Variants in CACNA1A observed in about 807,000 individuals in gnomAD.
CACNA1A encodes voltage-dependent P/Q-type calcium channel subunit alpha-1A.
Under a neutral mutation model 262.4 loss-of-function variants are expected in CACNA1A, and 57 were observed. The observed-to-expected ratio is 0.22, with a 90% confidence interval of 0.18 to 0.27. CACNA1A has a LOEUF of 0.27. Among genes scored for constraint, CACNA1A ranks in the 10% least tolerant of loss-of-function variants. The pLI, the probability that CACNA1A is intolerant of heterozygous loss-of-function variation, is 1.00. For missense variants in CACNA1A, 2,526 were observed against 3,562.8 expected, an observed-to-expected ratio of 0.71 and a Z score of 7.41; for synonymous variants, 1,431 against 1,419.3, an observed-to-expected ratio of 1.01 and a Z score of -0.18.
In CACNA1A at chr19:13,429,482, G is replaced by A. The variant is rs114615745; in HGVS notation, c.539+23394C>T. On this transcript the variant is annotated intron_variant, in intron 3 of 46. Transcript: ENST00000360228. ...TAAAAAACGCTGACACGAGAGATGT[G>A]TGCCCCCCTCACTGTGCCCCTCACT... Among the ~76,000 whole-genome samples the A allele has an allele frequency of 6.0e-3, 865 of 145,272 alleles. 9 individuals carry two copies. Among genetic ancestry groups the A allele is most frequent in the African/African-American group, 0.022 (835 of 38,764 alleles).
At chr19:13,255,333 T>A in intron 28 of CACNA1A, 74 bp from the exon 29 acceptor site, 1 of 1,394,408 alleles carries the variant, frequency 7.2e-7, no homozygotes, top group Non-Finnish European at 9.6e-7. Flanking sequence ...ACCCTCTGTC[T>A]AACTCGTCGC....
At chr19:13,498,371 C>T (rs2145161441) in intron 1 of CACNA1A, among the ~76,000 whole-genome samples, 1 of 152,146 alleles carries the variant, frequency 6.6e-6, no homozygotes, top group Admixed American at 6.5e-5. Flanking sequence ...TACACATAGG[C>T]CTAAAATGAG....
chr19:13,303,999 A>C (rs2057845430), intron 15 of CACNA1A, 115 bp from the exon 16 acceptor site: 2 of 726,188 alleles, frequency 2.8e-6, no homozygotes, highest in African/African-American at 3.5e-5. Context: ...GGAGGTCTTT[A>C]ACAATCCTGC....
intron 3 of CACNA1A, among the ~76,000 whole-genome samples, chr19:13,387,991 G>A (rs1396362978): frequency 6.6e-6 from 1 of 152,112 alleles, no homozygotes; most frequent in Non-Finnish European, 1.5e-5. Context: ...ACAGGAGAGT[G>A]AGAAGATGTT....
chr19:13,407,804 G>C (rs2060038450), intron 3 of CACNA1A, among the ~76,000 whole-genome samples: 1 of 151,904 alleles, frequency 6.6e-6, no homozygotes, highest in African/African-American at 2.4e-5. Context: ...CAGCCTGGGT[G>C]ATATGGTTTG....
chr19:13,371,946 G>A (rs1458878677), intron 3 of CACNA1A, among the ~76,000 whole-genome samples, 167 bp from the exon 4 acceptor site: 1 of 152,092 alleles, frequency 6.6e-6, no homozygotes, highest in Non-Finnish European at 1.5e-5. Flanking sequence ...GGTCTTAACA[G>A]TACCTGCCTC....
chr19:13,444,015 CATT>C lies in CACNA1A; in HGVS notation c.539+8858_539+8860del, dbSNP rs541075348. 2.2e-4 allele frequency among the ~76,000 whole-genome samples: 33 copies of C among 152,328 alleles called. No individual in the cohort carries two copies. In the East Asian group the frequency reaches 6.0e-3, roughly 28 times the overall value. On this transcript the variant is annotated intron_variant, in intron 3 of 46. Transcript: ENST00000360228. ...GAATAACGACCATGGCAGCTAACAT[CATT>C]ATTATCACTGTCACTGCTGGTGTTG...
rs1301604200 is a variant in CACNA1A at position 13,506,474 on chromosome 19, C to T, written c.-250G>A. ...GCTCGGGACATCTTCCTGGCTGACC[C>T]CGGAGAAGGAGGGGCGGGAGGAGGG... is the stretch of plus-strand genomic sequence containing the variant. On this transcript the variant is annotated 5_prime_UTR_variant, in exon 1 of 47. Coordinates refer to ENST00000360228, the MANE Select transcript of CACNA1A (RefSeq NM_001127222.2). 1 of 323,528 alleles carries T rather than the reference C, an allele frequency of 3.1e-6. No homozygotes were observed. The highest frequency in any genetic ancestry group is 2.4e-5 in the African/African-American group (1 of 42,124). 20.0% of individuals were successfully genotyped at this position (323,528 alleles called of 1,614,324 possible). A position where few individuals can be genotyped will look rare whatever the true frequency, so the allele number is the denominator to read the frequency against.
rs750493202 is a variant in CACNA1A at position 13,212,344 on chromosome 19, G to A, written c.6189+40C>T. 15 of 1,611,950 alleles carry A rather than the reference G, an allele frequency of 9.3e-6. No individual in the cohort carries two copies. The highest frequency in any genetic ancestry group is 4.0e-5 in the African/African-American group (3 of 74,882). On this transcript the variant is annotated intron_variant, in intron 42 of 46. Coordinates refer to ENST00000360228, the MANE Select transcript of CACNA1A (RefSeq NM_001127222.2). This position sits in a 1 kb window ranked among gnomAD's most constrained non-coding sequence, Gnocchi z 5.6. ...CAGATCCCTTCCACCTGAACCACCC[G>A]GGCCCTGGGAGCCATTGGGGAGTTG...
At chr19:13,353,943 AC>A (rs1194252906) in intron 6 of CACNA1A, among the ~76,000 whole-genome samples, 1 of 152,092 alleles carries the variant, frequency 6.6e-6, no homozygotes, top group East Asian at 1.9e-4. Flanking sequence ...CATAGTACAT[AC>A]ACATTTGCTT....
At chr19:13,303,732 A>T (rs756118367) in intron 16 of CACNA1A, 35 bp downstream of exon 16, 1 of 1,570,026 alleles carries the variant, frequency 6.4e-7, no homozygotes, top group Non-Finnish European at 8.8e-7. Context: ...CCAGAGGTCC[A>T]GGCCTGTCCC....
chr19:13,280,122 C>A (rs1600232002), intron 22 of CACNA1A, among the ~76,000 whole-genome samples: 1 of 151,990 alleles, frequency 6.6e-6, no homozygotes, highest in Middle Eastern at 3.4e-3. Context: ...TTTACTGAGG[C>A]CAACCACTTG....
intron 3 of CACNA1A, among the ~76,000 whole-genome samples, chr19:13,419,734 T>C (rs2060284756): frequency 6.6e-6 from 1 of 151,970 alleles, no homozygotes; most frequent in Admixed American, 6.6e-5. Context: ...GTAGATTTTG[T>C]TATCTAATTA....
At chr19:13,444,864 G>A (rs1010570842) in intron 3 of CACNA1A, among the ~76,000 whole-genome samples, 2 of 152,098 alleles carry the variant, frequency 1.3e-5, no homozygotes, top group Non-Finnish European at 2.9e-5. Flanking sequence ...GCGGCCCGGT[G>A]CGGTGGCTCA....
intron 3 of CACNA1A, among the ~76,000 whole-genome samples, chr19:13,409,315 CAGT>C (rs34649662): frequency 0.081 from 12,275 of 151,958 alleles, 741 homozygotes; most frequent in East Asian, 0.26. Context: ...TATGGTAAGG[CAGT>C]AGTAGACCAA....
At chr19:13,228,135 T>C (rs2055535044) in intron 36 of CACNA1A, among the ~76,000 whole-genome samples, 1 of 152,028 alleles carries the variant, frequency 6.6e-6, no homozygotes, top group Non-Finnish European at 1.5e-5. Context: ...CTCAAACTCC[T>C]GGGCTCAAGC....
chr19:13,409,811 T>C (rs888175856), intron 3 of CACNA1A, among the ~76,000 whole-genome samples: 8 of 152,146 alleles, frequency 5.3e-5, no homozygotes, highest in African/African-American at 1.9e-4. Flanking sequence ...CAAGCAATCC[T>C]CCCACCTTGG....
intron 1 of CACNA1A, among the ~76,000 whole-genome samples, chr19:13,472,799 G>A (rs1341609329): frequency 6.6e-6 from 1 of 152,158 alleles, no homozygotes; most frequent in Non-Finnish European, 1.5e-5. Context: ...AGCCTAAAGT[G>A]CAGTGGTGCA....
intron 1 of CACNA1A, among the ~76,000 whole-genome samples, chr19:13,497,894 C>T (rs964133771): frequency 1.3e-5 from 2 of 152,028 alleles, no homozygotes; most frequent in African/African-American, 4.8e-5. Context: ...GACTGAGGCT[C>T]CACAACTGTG....
Sources: allele counts gnomAD v4.1 joint callset (sites outside exome capture counted in the v4.1 genomes callset), GRCh38; gene constraint gnomAD v4.1.1; non-coding constraint Gnocchi (gnomAD v3.1); transcripts MANE v1.5; gene names NCBI Gene and HGNC (gene_info 2026-07-23, HGNC 2026-07-21).